Variants in ADAMTS6 observed in about 807,000 individuals in gnomAD.
The protein encoded by ADAMTS6 is ADAM metallopeptidase with thrombospondin type 1 motif 6.
A neutral mutation model predicts 144.3 loss-of-function variants in ADAMTS6; 23 were observed. The ratio of observed to expected loss-of-function variants is 0.16; its 90% CI spans 0.11 to 0.23. The LOEUF (loss-of-function observed/expected upper bound fraction) is 0.23. Among genes scored for constraint, ADAMTS6 ranks in the 10% least tolerant of loss-of-function variants. ADAMTS6 has a pLI of 1.00. For synonymous variants in ADAMTS6, 444 were observed against 457.5 expected (o/e 0.97, Z 0.38); for missense variants, 999 against 1,379.6 (o/e 0.72, Z 4.37).
chr5:65,197,371 G>C (rs1488805248), intron 20 of ADAMTS6, among the ~76,000 whole-genome samples: 1 of 152,126 alleles, frequency 6.6e-6, no homozygotes, highest in Non-Finnish European at 1.5e-5. Flanking sequence ...ACTATTTCAA[G>C]TCCAGAAAAG....
intron 7 of ADAMTS6, among the ~76,000 whole-genome samples, chr5:65,408,952 G>A (rs1754813819): frequency 6.6e-6 from 1 of 152,156 alleles, no homozygotes; most frequent in Non-Finnish European, 1.5e-5. Flanking sequence ...TGAAACCAAT[G>A]AGAACAAAGA....
chr5:65,475,964 C>T (rs182035121), intron 1 of ADAMTS6, among the ~76,000 whole-genome samples: 1 of 152,280 alleles, frequency 6.6e-6, no homozygotes, highest in East Asian at 1.9e-4. Context: ...TTCCCTTGCT[C>T]CCCTCCTCTT....
chr5:65,429,437 T>C (rs1413913664), intron 7 of ADAMTS6, among the ~76,000 whole-genome samples: 2 of 152,200 alleles, frequency 1.3e-5, no homozygotes, highest in Non-Finnish European at 2.9e-5. Flanking sequence ...GTGATTAATA[T>C]GCATTGCCTG....
intron 4 of ADAMTS6, among the ~76,000 whole-genome samples, chr5:65,459,732 A>G (rs939242986): frequency 6.6e-6 from 1 of 152,134 alleles, no homozygotes; most frequent in African/African-American, 2.4e-5. Context: ...CCCGTACTAC[A>G]TATTTCTATA....
chr5:65,247,246 T>C (rs1759711161), intron 14 of ADAMTS6, among the ~76,000 whole-genome samples: 1 of 152,242 alleles, frequency 6.6e-6, no homozygotes, highest in African/African-American at 2.4e-5. Context: ...ATCACCACTC[T>C]CTTTCCCAGA....
chr5:65,422,487 T>C (rs1281843517), intron 7 of ADAMTS6, among the ~76,000 whole-genome samples: 2 of 152,146 alleles, frequency 1.3e-5, no homozygotes, highest in African/African-American at 4.8e-5. Context: ...TTGGGTGTGG[T>C]GGCGCATGCC....
intron 11 of ADAMTS6, among the ~76,000 whole-genome samples, chr5:65,274,833 C>T (rs1034812158): frequency 3.9e-5 from 6 of 152,116 alleles, no homozygotes; most frequent in Non-Finnish European, 7.4e-5. Context: ...TACAGGCACC[C>T]GCCACCATGC....
intron 15 of ADAMTS6, among the ~76,000 whole-genome samples, chr5:65,239,660 G>A (rs1211040784): frequency 6.6e-6 from 1 of 152,074 alleles, no homozygotes; most frequent in Non-Finnish European, 1.5e-5. Context: ...ACTTATAAAT[G>A]ACTACCACTT....
At chr5:65,453,069 T>C (rs1260612341) in intron 4 of ADAMTS6, 151 bp from the exon 5 acceptor site, 4 of 558,000 alleles carry the variant, frequency 7.2e-6, no homozygotes, top group Non-Finnish European at 1.1e-5. Flanking sequence ...GAGAAAAAAG[T>C]CTGTAAATTT....
At chr5:65,412,248 C>A (rs1580645605) in intron 7 of ADAMTS6, among the ~76,000 whole-genome samples, 1 of 151,922 alleles carries the variant, frequency 6.6e-6, no homozygotes. Context: ...ATACTAAAAG[C>A]CCTTAAAAAC....
intron 24 of ADAMTS6, among the ~76,000 whole-genome samples, chr5:65,168,828 C>A (rs1342480761): frequency 6.8e-6 from 1 of 146,700 alleles, no homozygotes; most frequent in Non-Finnish European, 1.5e-5. Flanking sequence ...AACTGGCTAG[C>A]CATATGTAGA....
At chr5:65,367,557 A>G (rs1750417405) in intron 7 of ADAMTS6, among the ~76,000 whole-genome samples, 1 of 152,108 alleles carries the variant, frequency 6.6e-6, no homozygotes, top group Non-Finnish European at 1.5e-5. Context: ...GGATCACACT[A>G]TCTCCTAGGG....
At chr5:65,183,782 A>G (rs1398133662) in intron 22 of ADAMTS6, among the ~76,000 whole-genome samples, 1 of 152,240 alleles carries the variant, frequency 6.6e-6, no homozygotes, top group African/African-American at 2.4e-5. Context: ...AGAGATAATC[A>G]TTAGCCTATA....
chr5:65,432,322 C>T (rs567099638), intron 7 of ADAMTS6, among the ~76,000 whole-genome samples: 3 of 152,088 alleles, frequency 2.0e-5, no homozygotes, highest in South Asian at 2.1e-4. Flanking sequence ...CAAAGTTCTA[C>T]CTCACTCATC....
chr5:65,371,999 C>A (rs62370666), intron 7 of ADAMTS6, among the ~76,000 whole-genome samples: 74 of 151,930 alleles, frequency 4.9e-4, no homozygotes, highest in Middle Eastern at 3.4e-3. Context: ...TTTTCAACCC[C>A]GAATTTCATA....
intron 7 of ADAMTS6, among the ~76,000 whole-genome samples, chr5:65,353,507 C>A (rs1305574540): frequency 1.3e-5 from 2 of 151,934 alleles, no homozygotes; most frequent in African/African-American, 4.8e-5. Context: ...AATATTGAAT[C>A]ACTATGGAAT....
At chr5:65,471,163 G>A (rs771297839) in intron 2 of ADAMTS6, 21 bp from the exon 3 acceptor site, 3 of 1,552,848 alleles carry the variant, frequency 1.9e-6, no homozygotes, top group Admixed American at 2.4e-5. Context: ...ACAAGGCAGA[G>A]AATCCAGAAA....
intron 18 of ADAMTS6, among the ~76,000 whole-genome samples, chr5:65,219,644 A>G (rs1426307070): frequency 1.3e-5 from 2 of 152,146 alleles, no homozygotes; most frequent in Non-Finnish European, 2.9e-5. Flanking sequence ...CCTAAGCTCA[A>G]TGATTCTCCT....
chr5:65,383,418 A>G (rs890340225), intron 7 of ADAMTS6, among the ~76,000 whole-genome samples: 11 of 152,176 alleles, frequency 7.2e-5, no homozygotes, highest in Non-Finnish European at 1.6e-4. Flanking sequence ...CCCAAATCAA[A>G]AGAGAGAAAT....
Sources: gnomAD v4.1 joint callset for allele counts (sites outside exome capture counted in the v4.1 genomes callset) on GRCh38, gnomAD v4.1.1 for gene constraint, MANE v1.5 for transcripts, NCBI Gene and HGNC (gene_info 2026-07-23, HGNC 2026-07-21) for gene names.